Variants in CAPN14 observed in about 807,000 individuals in gnomAD.
CAPN14 encodes the protein calpain-14.
CAPN14 carries 94 observed loss-of-function variants against 101.3 expected under a neutral mutation model. The observed-to-expected ratio is 0.93, with a 90% confidence interval of 0.79 to 1.10. The LOEUF (loss-of-function observed/expected upper bound fraction) is 1.10. CAPN14 is among the 50% of genes least tolerant of loss of function. The pLI is 0.00. For missense variants in CAPN14, 837 were observed against 828.4 expected (o/e 1.01, Z -0.13); for synonymous variants, 338 against 317.9 (o/e 1.06, Z -0.67).
intron 1 of CAPN14, among the ~76,000 whole-genome samples, chr2:31,213,806 A>G (rs1245667409): frequency 3.3e-5 from 5 of 152,348 alleles, no homozygotes; most frequent in Non-Finnish European, 5.9e-5. Context: ...ATTCCTGGGC[A>G]GTTTTCAGGT....
upstream of CAPN14, among the ~76,000 whole-genome samples, chr2:31,221,015 G>A (rs1450826421): frequency 1.3e-5 from 2 of 152,128 alleles, no homozygotes; most frequent in African/African-American, 4.8e-5. Context: ...ATAATAAAAA[G>A]AGGCTTTGTG....
In CAPN14 at chr2:31,201,197, A is replaced by ATG. The variant is rs374860700; in HGVS notation, c.552-574_552-573dup. 1.6e-4 allele frequency among the ~76,000 whole-genome samples: 21 copies of ATG among 131,048 alleles called. No homozygotes were observed. The South Asian group carries it at 4.1e-3, about 26-fold the overall frequency. 86.0% of individuals were successfully genotyped at this position (131,048 alleles called of 152,430 possible). A position where few individuals can be genotyped will look rare whatever the true frequency, so the allele number is the denominator to read the frequency against. The stretch of plus-strand genomic sequence containing the variant: ...TGCATGTATGTGCATGTGTGTGTGC[A>ATG]TGTGTGTGTGTGCATGTGTGTGTCT... On this transcript the variant is annotated intron_variant, in intron 5 of 21. Transcript: ENST00000403897.
chr2:31,180,098 C>T (rs1265284589), intron 17 of CAPN14, among the ~76,000 whole-genome samples: 1 of 152,094 alleles, frequency 6.6e-6, no homozygotes, highest in Non-Finnish European at 1.5e-5. Flanking sequence ...AAAGTACCAC[C>T]ACACCCCATC....
At chr2:31,225,668 T>C (rs533597305) in intron 2 of CAPN14, among the ~76,000 whole-genome samples, 35 of 152,158 alleles carry the variant, frequency 2.3e-4, no homozygotes, top group Non-Finnish European at 4.0e-4. Context: ...TTAATTAGAT[T>C]ACAGAATTTC....
chr2:31,202,354 AGTTTAG>A, intron 3 of CAPN14, 102 bp from the exon 4 acceptor site: 1 of 813,858 alleles, frequency 1.2e-6, no homozygotes, highest in Non-Finnish European at 2.0e-6. Flanking sequence ...CTTGTAGCCC[AGTTTAG>A]GAGAAGGGAA....
chr2:31,197,431 GA>G, intron 7 of CAPN14, 97 bp from the exon 8 acceptor site: 1 of 781,164 alleles, frequency 1.3e-6, no homozygotes, highest in Non-Finnish European at 2.2e-6. Context: ...ACTTGCAGTG[GA>G]AAATCACAGC....
chr2:31,204,046 G>A (rs1405027373), intron 2 of CAPN14, among the ~76,000 whole-genome samples: 2 of 152,216 alleles, frequency 1.3e-5, no homozygotes, highest in Non-Finnish European at 2.9e-5. Context: ...AGGTTGGAGA[G>A]ATGTTAAAAT....
At chr2:31,210,288 A>G (rs1428464454) in intron 1 of CAPN14, among the ~76,000 whole-genome samples, 1 of 135,258 alleles carries the variant, frequency 7.4e-6, no homozygotes, top group Non-Finnish European at 1.6e-5. Context: ...CTAAAAATGC[A>G]AAAAAAAAAA....
chr2:31,188,469 G>T, intron 13 of CAPN14, 115 bp from the exon 14 acceptor site: 1 of 853,226 alleles, frequency 1.2e-6, no homozygotes, highest in South Asian at 1.4e-5. Flanking sequence ...GCACCACAAG[G>T]GCCCACCCAG....
intron 2 of CAPN14, 149 bp downstream of exon 2, chr2:31,205,074 C>T (rs1229773267): frequency 3.0e-6 from 2 of 665,622 alleles, no homozygotes; most frequent in Non-Finnish European, 5.2e-6. Context: ...AAACCTCCTA[C>T]ACATCTGGTG....
intron 1 of CAPN14, among the ~76,000 whole-genome samples, chr2:31,206,293 G>C (rs193262821): frequency 1.3e-5 from 2 of 152,278 alleles, no homozygotes; most frequent in East Asian, 3.9e-4. Flanking sequence ...CCAGGCTCCA[G>C]CACAGGGTGC....
intron 14 of CAPN14, among the ~76,000 whole-genome samples, 177 bp downstream of exon 14, chr2:31,188,141 G>A (rs937910748): frequency 1.3e-5 from 2 of 152,138 alleles, no homozygotes; most frequent in African/African-American, 2.4e-5. Context: ...CTCTTTGTTG[G>A]TGCAAAAACA....
chr2:31,188,033 C>T (rs1014614811), intron 14 of CAPN14, among the ~76,000 whole-genome samples: 3 of 152,280 alleles, frequency 2.0e-5, no homozygotes, highest in Middle Eastern at 6.8e-3. Flanking sequence ...AAAAGAAACA[C>T]CAGATAAAGA....
At chr2:31,193,825 G>A (rs1052127412) in intron 9 of CAPN14, among the ~76,000 whole-genome samples, 2 of 152,196 alleles carry the variant, frequency 1.3e-5, no homozygotes, top group African/African-American at 4.8e-5. Flanking sequence ...GGGAGAGGGC[G>A]GTGGCAGGCT....
At chr2:31,215,529 T>C (rs936011822) in intron 1 of CAPN14, among the ~76,000 whole-genome samples, 5 of 152,184 alleles carry the variant, frequency 3.3e-5, no homozygotes. Context: ...AAAGGAGATG[T>C]CGCTTCCTCC....
chr2:31,206,030 A>T (rs11124252), intron 1 of CAPN14, among the ~76,000 whole-genome samples: 44,909 of 110,022 alleles, frequency 0.41, 9,785 homozygotes, highest in East Asian at 0.62. Flanking sequence ...TATTTTTTTT[A>T]TTTATTTATT....
rs1680330809 is a variant in CAPN14 at position 31,177,009 on chromosome 2, G to A, written c.1972+17C>T. The A allele has an allele frequency of 2.0e-6, 3 of 1,533,308 alleles. No individual in the cohort carries two copies. Among genetic ancestry groups the A allele is most frequent in the African/African-American group, 1.4e-5 (1 of 72,598 alleles). The allele number at this position is 1,533,308 out of a possible 1,614,324, so 95.0% of individuals were successfully genotyped here. A position where few individuals can be genotyped will look rare whatever the true frequency, so the allele number is the denominator to read the frequency against. On this transcript the variant is annotated intron_variant, in intron 20 of 21. Transcript: ENST00000403897. ...GCAGAGGAAGACCTGGCCCTCCCCA[G>A]CTTCCCGCCAGCTTACCCTCCATGT...
chr2:31,203,181 A>C, intron 2 of CAPN14, 42 bp from the exon 3 acceptor site: 1 of 1,519,734 alleles, frequency 6.6e-7, no homozygotes, highest in South Asian at 1.2e-5. Flanking sequence ...CCTAGAACAA[A>C]AAAGCTCCTG....
At chr2:31,176,912 G>T in intron 20 of CAPN14, 114 bp downstream of exon 20, 1 of 796,754 alleles carries the variant, frequency 1.3e-6, no homozygotes, top group Non-Finnish European at 2.1e-6. Context: ...AGCTTCCCTG[G>T]TCTGCTGTTT....
Sources: gnomAD v4.1 joint callset for allele counts (sites outside exome capture counted in the v4.1 genomes callset) on GRCh38, gnomAD v4.1.1 for gene constraint, MANE v1.5 for transcripts, NCBI Gene and HGNC (gene_info 2026-07-23, HGNC 2026-07-21) for gene names.